Variants in ELK4 observed in about 807,000 individuals in gnomAD.
The protein encoded by ELK4 is ETS transcription factor ELK4, also known as ETS domain-containing protein Elk-4.
ELK4 carries 16 observed loss-of-function variants against 29.6 expected under a neutral mutation model. The observed-to-expected ratio is 0.54, with a 90% confidence interval of 0.37 to 0.82. ELK4 has a LOEUF of 0.82. ELK4 is among the 40% of genes least tolerant of loss of function. The pLI, the probability that ELK4 is intolerant of heterozygous loss-of-function variation, is 0.00. For synonymous variants in ELK4, 213 were observed against 191.1 expected (o/e 1.11, Z -0.95); for missense variants, 465 against 507.1 (o/e 0.92, Z 0.80).
intron 4 of ELK4, among the ~76,000 whole-genome samples, chr1:205,617,818 T>G (rs901078129): frequency 4.6e-4 from 70 of 152,134 alleles, no homozygotes; most frequent in African/African-American, 1.7e-3. Flanking sequence ...GGAGAACCGC[T>G]TGAACCCAGG....
In ELK4 at chr1:205,627,561, C is replaced by T. The variant is rs111394491; in HGVS notation, c.-9-3670G>A. 4.6e-3 allele frequency among the ~76,000 whole-genome samples: 697 copies of T among 151,882 alleles called. 3 individuals are homozygous for T. Among genetic ancestry groups the T allele is most frequent in the African/African-American group, 0.016 (669 of 41,440 alleles). ...TAAACTTAGATTGTGTTCATGCTTGCACAAAACCCACAGCATATTACACCT... is the reference window on the plus strand; with the variant it reads ...TAAACTTAGATTGTGTTCATGCTTGTACAAAACCCACAGCATATTACACCT... On this transcript the variant is annotated intron_variant, in intron 1 of 4. Coordinates refer to ENST00000357992, the MANE Select transcript of ELK4 (RefSeq NM_001973.4).
chr1:205,627,821 C>A (rs868747768), intron 1 of ELK4, among the ~76,000 whole-genome samples: 1 of 152,136 alleles, frequency 6.6e-6, no homozygotes, highest in African/African-American at 2.4e-5. Flanking sequence ...TCAAAATGTC[C>A]TCCAGTAATC....
Position 205,620,303 on chromosome 1 carries a change from G to C in ELK4, c.743C>G (p.Ala248Gly). ...APTSASNVMT[A>G]FATTPPISSI... ...CGAAATGGGTGGTGTGGTGGCAAAA[G>C]CAGTCATTACGTTAGAGGCAGAGGT... is the stretch of plus-strand genomic sequence containing the variant. Residue 248 changes from alanine to glycine, a missense_variant, in exon 3 of 5, where the codon GCT (alanine) becomes GGT (glycine). By Grantham distance (60) the Ala-to-Gly change is moderately conservative. Coordinates refer to ENST00000357992, the MANE Select transcript of ELK4 (RefSeq NM_001973.4). 1 of 1,614,232 alleles carries C rather than the reference G, an allele frequency of 6.2e-7. No individual in the cohort carries two copies. The highest frequency in any genetic ancestry group is 8.5e-7 in the Non-Finnish European group (1 of 1,180,044).
intron 1 of ELK4, chr1:205,625,938 A>T: frequency 1.2e-6 from 1 of 835,496 alleles, no homozygotes; most frequent in South Asian, 1.3e-5. Flanking sequence ...TGGCCTCCCA[A>T]AATGCTGGGA....
chr1:205,623,832 C>T lies in ELK4; in HGVS notation c.51G>A (p.Lys17=). Residue 17 remains lysine, a synonymous_variant, in exon 2 of 5, where the codon AAG becomes AAA. Coordinates refer to ENST00000357992, the MANE Select transcript of ELK4 (RefSeq NM_001973.4). ...LWQFLLQLLQ[K]PQNKHMICWT... ...AACAGATCATGTGCTTGTTCTGAGG[C>T]TTCTGCAGGAGCTGAAGAAGGAACT... 1 of 1,614,186 alleles carries T rather than the reference C, an allele frequency of 6.2e-7. No individual in the cohort carries two copies. Among genetic ancestry groups the T allele is most frequent in the Non-Finnish European group, 8.5e-7 (1 of 1,180,038 alleles).
intron 2 of ELK4, among the ~76,000 whole-genome samples, chr1:205,621,740 A>C (rs963903596): frequency 1.3e-5 from 2 of 151,594 alleles, no homozygotes; most frequent in Admixed American, 6.6e-5. Context: ...GCTGGTCTTG[A>C]ACTCCTGACC....
intron 2 of ELK4, among the ~76,000 whole-genome samples, chr1:205,621,798 C>T (rs987136187): frequency 1.3e-5 from 2 of 151,480 alleles, no homozygotes; most frequent in Non-Finnish European, 2.9e-5. Context: ...GGATTACAGG[C>T]GTGAGCCACC....
Position 205,615,800 on chromosome 1 carries a change from TG to T in ELK4, c.*745del. The T allele has an allele frequency of 4.7e-6, 1 of 211,482 alleles. No homozygotes were observed. The highest frequency in any genetic ancestry group is 9.6e-6 in the Non-Finnish European group (1 of 104,388). The allele number at this position is 211,482 out of a possible 1,614,324, so 13.1% of individuals were successfully genotyped here. A position where few individuals can be genotyped will look rare whatever the true frequency, so the allele number is the denominator to read the frequency against. On this transcript the variant is annotated 3_prime_UTR_variant, in exon 5 of 5. Coordinates refer to ENST00000357992, the MANE Select transcript of ELK4 (RefSeq NM_001973.4). ...TGTGAGGTCCCATATTCTTACTAGG[TG>T]TTCCAAAAACTGTCTTAAACCCCAG...
rs530807987 is a variant in ELK4 at position 205,608,339 on chromosome 1, C to T, written c.*8207G>A. 8.3e-5 allele frequency: 15 copies of T among 181,430 alleles called. No individual in the cohort carries two copies. Among genetic ancestry groups the T allele is most frequent in the Admixed American group, 1.9e-4 (3 of 15,858 alleles). 11.2% of individuals were successfully genotyped at this position (181,430 alleles called of 1,614,324 possible). A position where few individuals can be genotyped will look rare whatever the true frequency, so the allele number is the denominator to read the frequency against. Reference sequence around the variant, plus strand: ...CCCTCAAAGTGCTTTTGCATCCTTTCGCTCACCTCTCTACACTCTATAAAG... The same window carrying T: ...CCCTCAAAGTGCTTTTGCATCCTTTTGCTCACCTCTCTACACTCTATAAAG... On this transcript the variant is annotated 3_prime_UTR_variant, in exon 5 of 5. Transcript: ENST00000357992.
Position 205,614,809 on chromosome 1 carries a change from A to ATT in ELK4, c.*1735_*1736dup, listed in dbSNP as rs537830008. The stretch of plus-strand genomic sequence containing the variant: ...CATTTAGTTCATGTGATTCTACAGG[A>ATT]TTAGAAGACGAGTTTAACCGGTGGG... On this transcript the variant is annotated 3_prime_UTR_variant, in exon 5 of 5. Coordinates refer to ENST00000357992, the MANE Select transcript of ELK4 (RefSeq NM_001973.4). 39 of 227,010 alleles carry ATT rather than the reference A, an allele frequency of 1.7e-4. 1 individual carries two copies. In the East Asian group the frequency reaches 2.1e-3, roughly 12 times the overall value. The allele number at this position is 227,010 out of a possible 1,614,324, so 14.1% of individuals were successfully genotyped here. A position where few individuals can be genotyped will look rare whatever the true frequency, so the allele number is the denominator to read the frequency against.
rs1376156148 is a variant in ELK4, at chr1:205,610,583, A to C, written c.*5963T>G. ...AACAGTTTACTATGACTTTGTTTAG[A>C]GTATGTCACATGTAAGCAGTGTATT... On this transcript the variant is annotated 3_prime_UTR_variant, in exon 5 of 5. Coordinates refer to ENST00000357992, the MANE Select transcript of ELK4 (RefSeq NM_001973.4). 1 of 230,298 alleles carries C rather than the reference A, an allele frequency of 4.3e-6. No homozygotes were observed. Among genetic ancestry groups the C allele is most frequent in the Non-Finnish European group, 8.6e-6 (1 of 116,298 alleles). The allele number at this position is 230,298 out of a possible 1,614,324, so 14.3% of individuals were successfully genotyped here.
At chr1:205,619,217 A>G in intron 3 of ELK4, 144 bp from the exon 4 acceptor site, 3 of 1,123,036 alleles carry the variant, frequency 2.7e-6, no homozygotes, top group Non-Finnish European at 3.4e-6. Context: ...TCATGACAAA[A>G]CTCAAAAATT....
chr1:205,617,248 C>T (rs1463383289), intron 4 of ELK4, among the ~76,000 whole-genome samples: 2 of 151,962 alleles, frequency 1.3e-5, no homozygotes, highest in Non-Finnish European at 2.9e-5. Context: ...TAATTTTAAA[C>T]GTTGGCAAAA....
At chr1:205,629,727 TAAATA>T (rs1670540295) in intron 1 of ELK4, among the ~76,000 whole-genome samples, 1 of 111,500 alleles carries the variant, frequency 9.0e-6, no homozygotes, top group African/African-American at 3.3e-5. Flanking sequence ...AAAAAATAAA[TAAATA>T]AAATAAAAGC....
chr1:205,623,917 G>A (rs547248478), intron 1 of ELK4, 26 bp from the exon 2 acceptor site: 1 of 1,603,750 alleles, frequency 6.2e-7, no homozygotes, highest in Non-Finnish European at 8.5e-7. Flanking sequence ...TAAGATATGT[G>A]ATAATATTAA....
chr1:205,631,014 T>TC (rs1670572400), intron 1 of ELK4, among the ~76,000 whole-genome samples: 1 of 152,212 alleles, frequency 6.6e-6, no homozygotes, highest in Non-Finnish European at 1.5e-5. Flanking sequence ...GTCAACAACA[T>TC]CCCTATTTCC....
In ELK4 at chr1:205,608,873, A is replaced by T. The variant is rs1447028015; in HGVS notation, c.*7673T>A. ...TTACTACCACATATCCCAAACTAAG[A>T]CATACACATAAAATAACATATCTCT... On this transcript the variant is annotated 3_prime_UTR_variant, in exon 5 of 5. Coordinates refer to ENST00000357992, the MANE Select transcript of ELK4 (RefSeq NM_001973.4). 5.1e-6 allele frequency: 1 copy of T among 196,648 alleles called. No individual in the cohort carries two copies. Among genetic ancestry groups the T allele is most frequent in the Non-Finnish European group, 1.1e-5 (1 of 94,840 alleles). The allele number at this position is 196,648 out of a possible 1,614,324, so 12.2% of individuals were successfully genotyped here. A position where few individuals can be genotyped will look rare whatever the true frequency, so the allele number is the denominator to read the frequency against.
rs964400864 is a variant in ELK4, at chr1:205,621,809, G to A, written c.208-971C>T. ...GTTGGGATTACAGGCGTGAGCCACC[G>A]CGCCCGGCTGTGAAAAAGGAATTTA... On this transcript the variant is annotated intron_variant, in intron 2 of 4. Transcript: ENST00000357992. 1.2e-4 allele frequency among the ~76,000 whole-genome samples: 18 copies of A among 150,966 alleles called. 1 individual carries two copies. The highest frequency in any genetic ancestry group is 2.2e-4 in the South Asian group (1 of 4,640).
chr1:205,631,525 C>T (rs6593957), intron 1 of ELK4, 107 bp downstream of exon 1: 79,931 of 149,720 alleles, frequency 0.53, 23,339 homozygotes, highest in Middle Eastern at 0.67. Flanking sequence ...CCGGCCCCCG[C>T]CCCCACTTCC....
Sources: allele counts gnomAD v4.1 joint callset (sites outside exome capture counted in the v4.1 genomes callset), GRCh38; gene constraint gnomAD v4.1.1; transcripts MANE v1.5; gene names NCBI Gene and HGNC (gene_info 2026-07-23, HGNC 2026-07-21).